The following DUSP11 variants were observed in gnomAD, a reference collection of about 807,000 sequenced individuals.
DUSP11 encodes the protein dual specificity phosphatase 11.
Under a neutral mutation model 41.4 loss-of-function variants are expected in DUSP11, and 27 were observed. The ratio of observed to expected loss-of-function variants is 0.65; its 90% CI spans 0.48 to 0.90. The LOEUF (loss-of-function observed/expected upper bound fraction) is 0.90, where lower values mean the gene tolerates loss of function less well. Among genes scored for constraint, DUSP11 ranks in the 40% least tolerant of loss-of-function variants. The probability of loss-of-function intolerance (pLI) is 0.00; values close to 1 mark genes in which losing one functional copy is unlikely to be tolerated. For missense variants in DUSP11, 465 were observed against 461.1 expected, an observed-to-expected ratio of 1.01 and a Z score of -0.08; for synonymous variants, 188 against 159.3, an observed-to-expected ratio of 1.18 and a Z score of -1.35.
intron 4 of DUSP11, among the ~76,000 whole-genome samples, chr2:73,770,812 T>C (rs892260987): frequency 6.6e-6 from 1 of 152,114 alleles, no homozygotes; most frequent in African/African-American, 2.4e-5. Context: ...ATGATCCACC[T>C]CCCTTCTGCC....
At chr2:73,772,367 G>A (rs1019473315) in intron 4 of DUSP11, among the ~76,000 whole-genome samples, 1 of 152,140 alleles carries the variant, frequency 6.6e-6, no homozygotes, top group African/African-American at 2.4e-5. Context: ...TTATAGCAGA[G>A]GTAGCCAAAA....
chr2:73,766,630 TTC>T, intron 7 of DUSP11, 36 bp from the exon 8 acceptor site: 1 of 1,571,570 alleles, frequency 6.4e-7, no homozygotes, highest in Non-Finnish European at 8.6e-7. Context: ...TATTACTGGT[TTC>T]CAAATTTAGT....
intron 4 of DUSP11, among the ~76,000 whole-genome samples, chr2:73,770,525 AAAAG>A (rs1672553638): frequency 6.6e-6 from 1 of 151,778 alleles, no homozygotes; most frequent in Non-Finnish European, 1.5e-5. Context: ...AAAAAAAAAA[AAAAG>A]AAAGAAAAAA....
At chr2:73,771,907 G>A (rs1241792450) in intron 4 of DUSP11, among the ~76,000 whole-genome samples, 14 of 150,178 alleles carry the variant, frequency 9.3e-5, no homozygotes, top group Admixed American at 7.3e-4. Context: ...TGAAAGCTCC[G>A]CCTCCCGGGT....
At chr2:73,779,717 C>G (rs1672755934) in intron 1 of DUSP11, 157 bp downstream of exon 1, 1 of 1,128,474 alleles carries the variant, frequency 8.9e-7, no homozygotes, top group African/African-American at 1.6e-5. Flanking sequence ...CCCCTTTCAG[C>G]TACAGCGGGT....
exon 6 of DUSP11, chr2:73,767,206 A>C: frequency 1.2e-6 from 2 of 1,611,682 alleles, no homozygotes; most frequent in East Asian, 4.5e-5. Context: ...TCAATCAAAT[A>C]TCTAACAAAA....
At chr2:73,779,932 G>C in exon 1 of DUSP11, 1 of 1,614,218 alleles carries the variant, frequency 6.2e-7, no homozygotes, top group Non-Finnish European at 8.5e-7. Context: ...GAAAAGTCGC[G>C]TCTCCGGCCC....
At chr2:73,762,798 C>T (rs58518125) in exon 9 of DUSP11, 1 of 1,612,416 alleles carries the variant, frequency 6.2e-7, no homozygotes, top group Non-Finnish European at 8.5e-7. Flanking sequence ...TAGTCCTCTC[C>T]AGGGGGACCA....
intron 8 of DUSP11, among the ~76,000 whole-genome samples, chr2:73,766,073 G>A (rs1176292272): frequency 6.6e-6 from 1 of 152,174 alleles, no homozygotes; most frequent in Non-Finnish European, 1.5e-5. Context: ...ACTTTGGGAG[G>A]CTGAGGCGGG....
rs753339056 is a variant in DUSP11, at chr2:73,767,126, T to G, written c.682+35A>C. On this transcript the variant is annotated intron_variant, in intron 6 of 8. Transcript: ENST00000272444. ...TCTACATTTCCACCTTTAACTTTAA[T>G]AAAAGGGAAAAATAGTGTCAACCCT... is the stretch of plus-strand genomic sequence containing the variant. The G allele has an allele frequency of 6.3e-6, 10 of 1,579,678 alleles. No homozygotes were observed. In the South Asian group the frequency reaches 1.0e-4, roughly 16 times the overall value.
intron 1 of DUSP11, among the ~76,000 whole-genome samples, chr2:73,778,984 C>T (rs1672738579): frequency 6.6e-6 from 1 of 152,030 alleles, no homozygotes; most frequent in African/African-American, 2.4e-5. Context: ...CCCATCTCTA[C>T]TAAAAATACA....
At chr2:73,765,068 A>G (rs1347109579) in intron 8 of DUSP11, among the ~76,000 whole-genome samples, 2 of 152,168 alleles carry the variant, frequency 1.3e-5, no homozygotes, top group East Asian at 1.9e-4. Context: ...GGGTTAAGAG[A>G]TATCTAGATA....
At chr2:73,767,257 C>T in intron 5 of DUSP11, 50 bp from the exon 6 acceptor site, 1 of 1,464,976 alleles carries the variant, frequency 6.8e-7, no homozygotes, top group East Asian at 2.3e-5. Context: ...AGAAAAAAAT[C>T]AAGTTTTTTC....
At chr2:73,776,413 C>CAA (rs70965758) in intron 2 of DUSP11, among the ~76,000 whole-genome samples, 54,125 of 99,040 alleles carry the variant, frequency 0.55, 14,783 homozygotes, top group East Asian at 0.71. Flanking sequence ...GACACCATCT[C>CAA]AAAAAAAAAA....
In DUSP11 at chr2:73,769,079, T is replaced by A. The variant is rs1573179369; in HGVS notation, c.635+186A>T. 7.5e-6 allele frequency: 4 copies of A among 535,718 alleles called. No individual in the cohort carries two copies. The East Asian group carries it at 1.2e-4, about 16-fold the overall frequency. 33.2% of individuals were successfully genotyped at this position (535,718 alleles called of 1,614,324 possible). ...CCATTCAATAACATGTATGCTTGTA[T>A]CTGCATTTTTAGAGTCTGAAAAGAT... On this transcript the variant is annotated intron_variant, in intron 5 of 8. Coordinates refer to ENST00000272444, the Ensembl canonical transcript of DUSP11.
chr2:73,769,458 C>T, intron 4 of DUSP11, 133 bp from the exon 5 acceptor site: 4 of 679,386 alleles, frequency 5.9e-6, no homozygotes, highest in Non-Finnish European at 4.8e-6. Flanking sequence ...AATCATCTAA[C>T]AGAAAGCCAA....
At chr2:73,768,355 G>A (rs768313197) in intron 5 of DUSP11, 22 of 607,304 alleles carry the variant, frequency 3.6e-5, no homozygotes, top group East Asian at 1.4e-4. Context: ...CTGTTAGGAC[G>A]CACAAAGGGC....
intron 4 of DUSP11, among the ~76,000 whole-genome samples, chr2:73,771,454 C>T (rs1181393559): frequency 1.3e-5 from 2 of 151,954 alleles, no homozygotes; most frequent in Non-Finnish European, 2.9e-5. Context: ...TATATTCTCA[C>T]TGCACTTAAT....
At chr2:73,773,695 A>T in intron 4 of DUSP11, 105 bp downstream of exon 4, 1 of 1,162,960 alleles carries the variant, frequency 8.6e-7, no homozygotes, top group South Asian at 1.7e-5. Context: ...TCACCTTAGC[A>T]TCATTAAATA....
Sources: allele counts gnomAD v4.1 joint callset (sites outside exome capture counted in the v4.1 genomes callset), GRCh38; gene constraint gnomAD v4.1.1; transcripts MANE v1.5; gene names NCBI Gene and HGNC (gene_info 2026-07-23, HGNC 2026-07-21).